Variants in LSAMP observed in about 807,000 individuals in gnomAD.
LSAMP encodes the protein limbic system-associated membrane protein.
In LSAMP, 7 loss-of-function variants were observed where a neutral mutation model predicts 38.6. The ratio of observed to expected loss-of-function variants is 0.18; its 90% CI spans 0.10 to 0.34. The LOEUF is 0.34. Among genes scored for constraint, LSAMP ranks in the 10% least tolerant of loss-of-function variants. LSAMP has a pLI of 1.00. For missense variants in LSAMP, 313 were observed against 420.0 expected (o/e 0.75, Z 2.23); for synonymous variants, 154 against 166.8 (o/e 0.92, Z 0.59).
intron 1 of LSAMP, among the ~76,000 whole-genome samples, chr3:116,417,539 T>G (rs1281278533): frequency 2.0e-5 from 3 of 152,222 alleles, no homozygotes; most frequent in Non-Finnish European, 2.9e-5. Flanking sequence ...AGAGTAGGTT[T>G]CTTCCTTTGC....
intron 1 of LSAMP, among the ~76,000 whole-genome samples, chr3:116,403,079 C>G (rs937415820): frequency 2.6e-5 from 4 of 152,192 alleles, no homozygotes; most frequent in African/African-American, 4.8e-5. Flanking sequence ...GTCATGAAAT[C>G]TAAACCAAGT....
At chr3:116,359,738 T>C (rs2048278329) in intron 1 of LSAMP, among the ~76,000 whole-genome samples, 1 of 152,168 alleles carries the variant, frequency 6.6e-6, no homozygotes, top group African/African-American at 2.4e-5. Flanking sequence ...CTGTATTTAA[T>C]AAATGGTGCT....
chr3:116,349,250 A>G (rs975461571), intron 1 of LSAMP, among the ~76,000 whole-genome samples: 1 of 152,056 alleles, frequency 6.6e-6, no homozygotes, highest in Non-Finnish European at 1.5e-5. Flanking sequence ...TTGTTTCTCA[A>G]TTTAAAAAAT....
chr3:116,209,885 G>T (rs1352619954), intron 1 of LSAMP, among the ~76,000 whole-genome samples: 1 of 152,016 alleles, frequency 6.6e-6, no homozygotes, highest in African/African-American at 2.4e-5. Context: ...CGAGTAGCTG[G>T]GACTACAGGC....
intron 1 of LSAMP, among the ~76,000 whole-genome samples, chr3:116,279,617 T>C (rs969435817): frequency 1.3e-5 from 2 of 152,202 alleles, no homozygotes; most frequent in African/African-American, 4.8e-5. Flanking sequence ...GAAACAATAT[T>C]CTTGGTTATT....
Position 115,802,775 on chromosome 3 carries a change from A to G in LSAMP, c.*7542T>C, listed in dbSNP as rs866693794. The G allele has an allele frequency of 2.0e-5, 3 of 152,120 alleles. No homozygotes were observed. Among genetic ancestry groups the G allele is most frequent in the African/African-American group, 7.2e-5 (3 of 41,446 alleles). 9.4% of individuals were successfully genotyped at this position (152,120 alleles called of 1,614,324 possible). A position where few individuals can be genotyped will look rare whatever the true frequency, so the allele number is the denominator to read the frequency against. Reference sequence around the variant, plus strand: ...AATAAGGAGAATTCTAACCAAGAGCAGGATTTATACACCCTTCAGTAGAGC... The same window carrying G: ...AATAAGGAGAATTCTAACCAAGAGCGGGATTTATACACCCTTCAGTAGAGC... On this transcript the variant is annotated 3_prime_UTR_variant, in exon 7 of 7. Transcript: ENST00000490035.
intron 1 of LSAMP, among the ~76,000 whole-genome samples, chr3:116,432,733 T>C (rs1002237811): frequency 2.6e-5 from 4 of 152,130 alleles, no homozygotes; most frequent in Non-Finnish European, 5.9e-5. Context: ...TTCCCAACTT[T>C]ACACAGTAAT....
At chr3:116,103,660 G>A (rs1708399779) in intron 1 of LSAMP, among the ~76,000 whole-genome samples, 1 of 149,676 alleles carries the variant, frequency 6.7e-6, no homozygotes, top group Non-Finnish European at 1.5e-5. Flanking sequence ...TATGCAGTGT[G>A]AGTCCCTTAA....
At chr3:116,091,129 C>T (rs1463619852) in intron 1 of LSAMP, among the ~76,000 whole-genome samples, 1 of 152,204 alleles carries the variant, frequency 6.6e-6, no homozygotes, top group South Asian at 2.1e-4. Context: ...CCCAGGTGCG[C>T]ATTCTCTTTC....
intron 3 of LSAMP, among the ~76,000 whole-genome samples, chr3:115,890,316 T>C (rs548819114): frequency 2.6e-5 from 4 of 152,014 alleles, no homozygotes; most frequent in African/African-American, 9.6e-5. Context: ...TAACAGATAG[T>C]CATATAGTCA....
Position 115,952,858 on chromosome 3 carries a change from C to T in LSAMP, c.514+66657G>A, listed in dbSNP as rs1009131299. 3.9e-5 allele frequency among the ~76,000 whole-genome samples: 6 copies of T among 152,074 alleles called. No individual in the cohort carries two copies. In the East Asian group the frequency reaches 1.2e-3, roughly 29 times the overall value. On this transcript the variant is annotated intron_variant, in intron 3 of 6. Coordinates refer to ENST00000490035, the MANE Select transcript of LSAMP (RefSeq NM_002338.5). ...AAGAACAACAGGAAAAAAATCAGTT[C>T]AAGATGTAAGAAAAATTATTGTAAT...
intron 2 of LSAMP, among the ~76,000 whole-genome samples, chr3:116,062,161 G>A (rs1416308580): frequency 1.3e-5 from 2 of 152,162 alleles, no homozygotes; most frequent in South Asian, 2.1e-4. Context: ...ACTTTACTGG[G>A]TCTCAGCTCT....
At chr3:116,014,933 T>C (rs983247912) in intron 3 of LSAMP, among the ~76,000 whole-genome samples, 2 of 152,118 alleles carry the variant, frequency 1.3e-5, no homozygotes, top group South Asian at 2.1e-4. Flanking sequence ...ATAGCATTAA[T>C]AGAATTAAAA....
At chr3:116,249,619 C>T (rs1026890100) in intron 1 of LSAMP, among the ~76,000 whole-genome samples, 5 of 151,666 alleles carry the variant, frequency 3.3e-5, no homozygotes, top group African/African-American at 4.9e-5. Context: ...CTCCTGACCT[C>T]GTGATCCGCC....
chr3:116,322,796 T>C (rs1290352508), intron 1 of LSAMP, among the ~76,000 whole-genome samples: 1 of 152,084 alleles, frequency 6.6e-6, no homozygotes, highest in Admixed American at 6.5e-5. Flanking sequence ...TTTTCTCTCC[T>C]TTTCTTCCGC....
intron 1 of LSAMP, among the ~76,000 whole-genome samples, chr3:116,199,038 T>C (rs2045952594): frequency 6.6e-6 from 1 of 152,028 alleles, no homozygotes. Context: ...GAGCCATGAT[T>C]GTGTCACTGC....
intron 1 of LSAMP, among the ~76,000 whole-genome samples, chr3:116,344,424 C>A (rs2048037647): frequency 6.6e-6 from 1 of 152,080 alleles, no homozygotes; most frequent in African/African-American, 2.4e-5. Flanking sequence ...AGGGGGAGAA[C>A]ATTATTTTAA....
chr3:116,135,025 A>G (rs2107507231), intron 1 of LSAMP, among the ~76,000 whole-genome samples: 1 of 152,278 alleles, frequency 6.6e-6, no homozygotes, highest in African/African-American at 2.4e-5. Context: ...AGCACTCAAC[A>G]TACATCACTA....
chr3:116,174,764 T>C (rs992805225), intron 1 of LSAMP, among the ~76,000 whole-genome samples: 7 of 152,016 alleles, frequency 4.6e-5, no homozygotes, highest in Non-Finnish European at 8.8e-5. Context: ...ATCCAAATCA[T>C]GGACAATGAC....
Sources: allele counts gnomAD v4.1 joint callset (sites outside exome capture counted in the v4.1 genomes callset), GRCh38; gene constraint gnomAD v4.1.1; transcripts MANE v1.5; gene names NCBI Gene and HGNC (gene_info 2026-07-23, HGNC 2026-07-21).